Variants in RERE observed in about 807,000 individuals in gnomAD.
RERE encodes the protein arginine-glutamic acid dipeptide repeats.
RERE carries 40 observed loss-of-function variants against 146.1 expected under a neutral mutation model. The ratio of observed to expected loss-of-function variants is 0.27; its 90% CI spans 0.21 to 0.36. The LOEUF (loss-of-function observed/expected upper bound fraction) is 0.36, where lower values mean the gene tolerates loss of function less well. Ranked by LOEUF, RERE falls within the 10% of genes least tolerant of loss-of-function variation. The pLI is 1.00. For synonymous variants in RERE, 1,003 were observed against 866.0 expected (o/e 1.16, Z -2.78); for missense variants, 1,933 against 2,138.7 (o/e 0.90, Z 1.90).
chr1:8,389,608 C>T (rs1275910853), intron 12 of RERE, among the ~76,000 whole-genome samples: 1 of 152,150 alleles, frequency 6.6e-6, no homozygotes, highest in Admixed American at 6.5e-5. Context: ...AACAAAAAAC[C>T]ATGAGGAAGG....
At chr1:8,687,699 T>C (rs1199785458) in intron 1 of RERE, among the ~76,000 whole-genome samples, 2 of 152,248 alleles carry the variant, frequency 1.3e-5, no homozygotes, top group African/African-American at 4.8e-5. Flanking sequence ...ACCATATTCA[T>C]AATTGCTTCG....
intron 4 of RERE, among the ~76,000 whole-genome samples, chr1:8,565,126 T>C (rs985158186): frequency 2.0e-5 from 3 of 151,956 alleles, no homozygotes. Flanking sequence ...TAAAGAAGAA[T>C]AACTGGGTTT....
intron 4 of RERE, among the ~76,000 whole-genome samples, chr1:8,601,210 G>T (rs555292341): frequency 7.8e-4 from 118 of 151,762 alleles, no homozygotes; most frequent in Non-Finnish European, 1.3e-3. Context: ...TAGAGATGGG[G>T]TTTCACCATG....
intron 4 of RERE, among the ~76,000 whole-genome samples, chr1:8,610,625 A>G (rs1160074437): frequency 1.3e-5 from 2 of 152,148 alleles, no homozygotes; most frequent in African/African-American, 2.4e-5. Flanking sequence ...AAGAATGACC[A>G]GAATTTGTAT....
intron 7 of RERE, among the ~76,000 whole-genome samples, chr1:8,528,196 T>C (rs934601785): frequency 6.6e-6 from 1 of 152,088 alleles, no homozygotes; most frequent in Non-Finnish European, 1.5e-5. Context: ...GAAGAACACT[T>C]GACAAAACTG....
In RERE at chr1:8,815,841, GTA is replaced by G. The variant is rs200771082; in HGVS notation, c.-145+1317_-145+1318del. 2.5e-3 allele frequency among the ~76,000 whole-genome samples: 360 copies of G among 142,880 alleles called. 2 individuals carry two copies. Among genetic ancestry groups the G allele is most frequent in the African/African-American group, 9.1e-3 (306 of 33,598 alleles). 93.7% of individuals were successfully genotyped at this position (142,880 alleles called of 152,430 possible). On this transcript the variant is annotated intron_variant, in intron 1 of 22. Coordinates refer to ENST00000400908, the MANE Select transcript of RERE (RefSeq NM_001042681.2). ...CCTCAGCTTGGTATTGTGTGTGTGT[GTA>G]TGTGTGTGTGTGTGTGTGTATATGT...
At chr1:8,381,388 T>C (rs928328416) in intron 12 of RERE, among the ~76,000 whole-genome samples, 1 of 151,382 alleles carries the variant, frequency 6.6e-6, no homozygotes, top group Admixed American at 6.6e-5. Flanking sequence ...CTGAGATCTA[T>C]CACAGACACA....
intron 6 of RERE, among the ~76,000 whole-genome samples, chr1:8,541,927 G>A (rs562457398): frequency 9.3e-4 from 141 of 152,218 alleles, no homozygotes; most frequent in African/African-American, 3.2e-3. Flanking sequence ...ATGGCTATAA[G>A]GTTAGAAATC....
At chr1:8,382,916 G>A (rs972614814) in intron 12 of RERE, among the ~76,000 whole-genome samples, 8 of 151,656 alleles carry the variant, frequency 5.3e-5, no homozygotes, top group Admixed American at 2.0e-4. Context: ...CTCAGTAAGT[G>A]ACAGGATTTT....
intron 1 of RERE, among the ~76,000 whole-genome samples, chr1:8,702,536 C>CA (rs1343607775): frequency 3.9e-5 from 6 of 152,128 alleles, no homozygotes; most frequent in African/African-American, 1.4e-4. Context: ...GCTACTCTGG[C>CA]AAAATAACAG....
At chr1:8,533,945 T>G (rs1645690767) in intron 7 of RERE, among the ~76,000 whole-genome samples, 1 of 152,218 alleles carries the variant, frequency 6.6e-6, no homozygotes, top group Non-Finnish European at 1.5e-5. Flanking sequence ...TCAGTAGGCT[T>G]TGTTTTCCAA....
At chr1:8,524,724 T>C (rs987272046) in intron 7 of RERE, among the ~76,000 whole-genome samples, 2 of 152,234 alleles carry the variant, frequency 1.3e-5, no homozygotes, top group Non-Finnish European at 2.9e-5. Context: ...CAATTTGTCC[T>C]AAATCTTATT....
intron 1 of RERE, among the ~76,000 whole-genome samples, chr1:8,684,480 T>C (rs1473904188): frequency 1.3e-5 from 2 of 151,992 alleles, no homozygotes; most frequent in Admixed American, 1.3e-4. Context: ...GCTTATAAAA[T>C]CATTTTACCA....
At chr1:8,610,092 A>C (rs902342184) in intron 4 of RERE, among the ~76,000 whole-genome samples, 1 of 152,144 alleles carries the variant, frequency 6.6e-6, no homozygotes, top group Non-Finnish European at 1.5e-5. Context: ...TTAAATGACA[A>C]ACAGCAGAAC....
chr1:8,751,115 T>C (rs1640526093), intron 1 of RERE: 1 of 412,458 alleles, frequency 2.4e-6, no homozygotes, highest in African/African-American at 2.0e-5. Flanking sequence ...CAATATAAGC[T>C]GCTCCAAAGT....
At chr1:8,459,259 A>G (rs559348203) in intron 11 of RERE, among the ~76,000 whole-genome samples, 146 of 152,362 alleles carry the variant, frequency 9.6e-4, no homozygotes, top group African/African-American at 3.4e-3. Flanking sequence ...AATTCTCACT[A>G]TAGGTCACAT....
At chr1:8,805,637 G>A (rs188163956) in intron 1 of RERE, among the ~76,000 whole-genome samples, 62 of 145,886 alleles carry the variant, frequency 4.2e-4, no homozygotes, top group African/African-American at 1.1e-3. Flanking sequence ...CGATAAGAGT[G>A]AGAATCCGTC....
At chr1:8,468,836 G>T (rs1644640800) in intron 10 of RERE, among the ~76,000 whole-genome samples, 1 of 151,916 alleles carries the variant, frequency 6.6e-6, no homozygotes, top group Admixed American at 6.6e-5. Context: ...GGTTAAGGCT[G>T]CAGTAGTCTT....
chr1:8,622,910 T>C (rs1357641343), intron 3 of RERE, among the ~76,000 whole-genome samples: 1 of 152,072 alleles, frequency 6.6e-6, no homozygotes, highest in African/African-American at 2.4e-5. Context: ...ATACAACATA[T>C]GTCAGAACAC....
Sources: allele counts gnomAD v4.1 joint callset (sites outside exome capture counted in the v4.1 genomes callset), GRCh38; gene constraint gnomAD v4.1.1; transcripts MANE v1.5; gene names NCBI Gene and HGNC (gene_info 2026-07-23, HGNC 2026-07-21).